The following KHDRBS2 variants were observed in gnomAD, a reference collection of about 807,000 sequenced individuals.
KHDRBS2 encodes the protein KH RNA binding domain containing, signal transduction associated 2, also known as KH domain-containing, RNA-binding, signal transduction-associated protein 2.
KHDRBS2 carries 26 observed loss-of-function variants against 44.3 expected under a neutral mutation model. The observed-to-expected ratio is 0.59, with a 90% CI of 0.43 to 0.81. KHDRBS2 has a LOEUF of 0.81. Among genes scored for constraint, KHDRBS2 ranks in the 40% least tolerant of loss-of-function variants. KHDRBS2 has a pLI of 0.00. For synonymous variants in KHDRBS2, 194 were observed against 151.1 expected, an observed-to-expected ratio of 1.28 and a Z score of -2.08; for missense variants, 476 against 433.1, an observed-to-expected ratio of 1.10 and a Z score of -0.88.
At chr6:62,162,680 T>C (rs1585012929) in intron 2 of KHDRBS2, among the ~76,000 whole-genome samples, 1 of 152,070 alleles carries the variant, frequency 6.6e-6, no homozygotes, top group East Asian at 1.9e-4. Context: ...GCAACTGCAA[T>C]TGTTGTCTAG....
intron 3 of KHDRBS2, among the ~76,000 whole-genome samples, chr6:62,021,525 A>T (rs1325875570): frequency 1.3e-5 from 2 of 151,768 alleles, no homozygotes; most frequent in African/African-American, 4.8e-5. Context: ...TCTTCTGATC[A>T]TTTTACATAT....
Position 62,118,333 on chromosome 6 carries a change from T to C in KHDRBS2, c.219+58852A>G, listed in dbSNP as rs58168454. Among the ~76,000 whole-genome samples the C allele has an allele frequency of 3.8e-3, 582 of 152,306 alleles. 2 individuals carry two copies. The highest frequency in any genetic ancestry group is 0.014 in the African/African-American group (563 of 41,582). ...TATTTTGAAGCCAGGTAGTGTGATG[T>C]CTACATGTTTGTTCTATTTGCTCAA... On this transcript the variant is annotated intron_variant, in intron 2 of 8. Transcript: ENST00000281156.
intron 8 of KHDRBS2, among the ~76,000 whole-genome samples, chr6:61,689,416 C>G (rs1767149986): frequency 6.6e-6 from 1 of 151,892 alleles, no homozygotes; most frequent in Non-Finnish European, 1.5e-5. Context: ...GCCTGGAGTC[C>G]CCCAAACTTG....
chr6:61,620,036 G>C, the KHDRBS2 span, among the ~76,000 whole-genome samples: 1 of 151,994 alleles, frequency 6.6e-6, no homozygotes, highest in Non-Finnish European at 1.5e-5. Context: ...GGATCACTTA[G>C]AAAAATGCTT....
chr6:61,599,209 A>G, the KHDRBS2 span, among the ~76,000 whole-genome samples: 1 of 151,874 alleles, frequency 6.6e-6, no homozygotes, highest in Non-Finnish European at 1.5e-5. Context: ...GCTGGGATAA[A>G]CTTTGTTGTA....
At chr6:62,152,564 A>C (rs1815447446) in intron 2 of KHDRBS2, among the ~76,000 whole-genome samples, 1 of 152,240 alleles carries the variant, frequency 6.6e-6, no homozygotes, top group Admixed American at 6.5e-5. Context: ...TCTTAGTGTG[A>C]TATACACTAC....
At chr6:61,712,541 T>A (rs1364057926) in intron 7 of KHDRBS2, among the ~76,000 whole-genome samples, 1 of 151,836 alleles carries the variant, frequency 6.6e-6, no homozygotes, top group Admixed American at 6.6e-5. Flanking sequence ...GGAAGCAATA[T>A]GATATTAGGA....
chr6:62,143,495 T>C (rs1161242726), intron 2 of KHDRBS2, among the ~76,000 whole-genome samples: 1 of 152,074 alleles, frequency 6.6e-6, no homozygotes, highest in South Asian at 2.1e-4. Flanking sequence ...CCCATTAATA[T>C]TAGGGACTTC....
At chr6:62,176,639 T>G (rs558952182) in intron 2 of KHDRBS2, among the ~76,000 whole-genome samples, 1 of 151,220 alleles carries the variant, frequency 6.6e-6, no homozygotes, top group Admixed American at 6.6e-5. Context: ...TAATCAATGA[T>G]CTATTGGTGA....
At chr6:61,859,003 A>G (rs1307579341) in intron 6 of KHDRBS2, among the ~76,000 whole-genome samples, 3 of 151,980 alleles carry the variant, frequency 2.0e-5, no homozygotes, top group Non-Finnish European at 4.4e-5. Flanking sequence ...GTTCTCAACA[A>G]CACCATTGAT....
At chr6:61,778,399 G>T (rs1224167930) in intron 6 of KHDRBS2, among the ~76,000 whole-genome samples, 6 of 151,968 alleles carry the variant, frequency 3.9e-5, no homozygotes, top group Admixed American at 3.9e-4. Context: ...TACAGCTGAA[G>T]AAACTTATAG....
At chr6:61,906,447 G>A (rs1301741223) in intron 4 of KHDRBS2, among the ~76,000 whole-genome samples, 1 of 151,042 alleles carries the variant, frequency 6.6e-6, no homozygotes. Context: ...ATAAATTATC[G>A]TTGACTATAT....
chr6:62,163,568 G>T (rs1818076475), intron 2 of KHDRBS2, among the ~76,000 whole-genome samples: 1 of 152,014 alleles, frequency 6.6e-6, no homozygotes, highest in African/African-American at 2.4e-5. Flanking sequence ...CTTAGCACCA[G>T]AGGAGAAATA....
the KHDRBS2 span, among the ~76,000 whole-genome samples, chr6:61,648,902 T>C: frequency 1.3e-5 from 2 of 152,262 alleles, no homozygotes; most frequent in East Asian, 3.9e-4. Context: ...TTGGCCTTAA[T>C]TTCATCTCTA....
At chr6:61,561,264 A>C in the KHDRBS2 span, among the ~76,000 whole-genome samples, 23 of 152,214 alleles carry the variant, frequency 1.5e-4, no homozygotes, top group Admixed American at 1.3e-3. Flanking sequence ...TTAGGGAGGA[A>C]TGCCACAAGC....
At chr6:61,773,102 C>T (rs1390446644) in intron 6 of KHDRBS2, among the ~76,000 whole-genome samples, 4 of 151,458 alleles carry the variant, frequency 2.6e-5, no homozygotes, top group South Asian at 2.1e-4. Flanking sequence ...AATAAACATA[C>T]GTGTGCATGT....
intron 3 of KHDRBS2, among the ~76,000 whole-genome samples, chr6:62,024,763 T>A (rs913460335): frequency 6.6e-6 from 1 of 151,666 alleles, no homozygotes; most frequent in African/African-American, 2.4e-5. Context: ...TATTTTTTCA[T>A]CATTCTATTT....
At chr6:61,582,289 G>A in the KHDRBS2 span, among the ~76,000 whole-genome samples, 1 of 151,426 alleles carries the variant, frequency 6.6e-6, no homozygotes, top group Non-Finnish European at 1.5e-5. Context: ...TTTTGCTTTA[G>A]AAAATGATAC....
the KHDRBS2 span, among the ~76,000 whole-genome samples, chr6:61,655,525 G>C: frequency 6.6e-6 from 1 of 152,056 alleles, no homozygotes; most frequent in Non-Finnish European, 1.5e-5. Flanking sequence ...AAAGTGTTGG[G>C]ATTACAGGCA....
Sources: allele counts gnomAD v4.1 joint callset (sites outside exome capture counted in the v4.1 genomes callset), GRCh38; gene constraint gnomAD v4.1.1; transcripts MANE v1.5; gene names NCBI Gene and HGNC (gene_info 2026-07-23, HGNC 2026-07-21).